NKIRAS1: variants seen among roughly 807,000 people sequenced by gnomAD.
NKIRAS1 encodes NF-kappa-B inhibitor-interacting Ras-like protein 1.
NKIRAS1 carries 16 observed loss-of-function variants against 19.8 expected under a neutral mutation model. That is an observed-to-expected ratio of 0.81 (90% CI 0.55 to 1.23). The LOEUF (loss-of-function observed/expected upper bound fraction) is 1.23. NKIRAS1 is among the 50% of genes most tolerant of loss of function. The probability of loss-of-function intolerance (pLI) is 0.00; values close to 1 mark genes in which losing one functional copy is unlikely to be tolerated. For synonymous variants in NKIRAS1, 88 were observed against 79.0 expected (o/e 1.11, Z -0.61); for missense variants, 184 against 220.0 (o/e 0.84, Z 1.04).
intron 3 of NKIRAS1, among the ~76,000 whole-genome samples, chr3:23,906,229 T>TA (rs1357462150): frequency 1.4e-5 from 2 of 146,398 alleles, no homozygotes; most frequent in Non-Finnish European, 3.0e-5. Flanking sequence ...GCACAGTAGA[T>TA]AAGAGGACAC....
chr3:23,901,013 A>C lies in NKIRAS1; in HGVS notation c.131T>G (p.Met44Arg). ...TCCTCGGTCTGTTTCTACTGAAGCC[A>C]TGTATACATCTTCCATTGTTTCGCA... ...EDCETMEDVYMASVETDRGVK... is the reference protein window; with the variant it reads ...EDCETMEDVYRASVETDRGVK... Residue 44 changes from methionine (M) to arginine (R), a missense_variant, in exon 4 of 5, where the codon ATG (methionine) becomes AGG (arginine). Coordinates refer to ENST00000425478, the MANE Select transcript of NKIRAS1 (RefSeq NM_020345.4). 1.2e-6 allele frequency: 2 copies of C among 1,614,152 alleles called. No individual in the cohort carries two copies.
Position 23,890,708 on chromosome 3 carries a change from A to C in NKIRAS1, c.*2387T>G. ...GGTGGGAGTTGGTAAAGAGTAGGGTATTTCTATAACAGATATTATTCAGTC... is the reference window on the plus strand; with the variant it reads ...GGTGGGAGTTGGTAAAGAGTAGGGTCTTTCTATAACAGATATTATTCAGTC... On this transcript the variant is annotated 3_prime_UTR_variant, in exon 5 of 5. Coordinates refer to ENST00000425478, the MANE Select transcript of NKIRAS1 (RefSeq NM_020345.4). The C allele has an allele frequency of 9.7e-7, 1 of 1,026,612 alleles. No individual in the cohort carries two copies. The highest frequency in any genetic ancestry group is 2.9e-5 in the Admixed American group (1 of 34,200). 63.6% of individuals were successfully genotyped at this position (1,026,612 alleles called of 1,614,324 possible).
chr3:23,901,179 C>CTTTTT (rs369838815), intron 3 of NKIRAS1, 130 bp from the exon 4 acceptor site: 6 of 728,940 alleles, frequency 8.2e-6, no homozygotes, highest in East Asian at 3.0e-5. Context: ...TTCTATTTTA[C>CTTTTT]TTTTTTTTTT....
rs528022004 is a variant in NKIRAS1 at position 23,905,855 on chromosome 3, C to A, written c.95-4806G>T. Among the ~76,000 whole-genome samples the A allele has an allele frequency of 2.7e-5, 4 of 148,438 alleles. 1 individual carries two copies. The highest frequency in any genetic ancestry group is 2.7e-4 in the Admixed American group (4 of 14,862). ...AAAAGAAGACAAGAGATCTAGGAAACAGGAAATCAAAACCAGGGAGAGGCC... is the reference window on the plus strand; with the variant it reads ...AAAAGAAGACAAGAGATCTAGGAAAAAGGAAATCAAAACCAGGGAGAGGCC... On this transcript the variant is annotated intron_variant, in intron 3 of 4. Transcript: ENST00000425478.
chr3:23,916,722 G>GCGCGGAGA (rs3842579), intron 1 of NKIRAS1, 62 bp downstream of exon 1: 77,873 of 152,250 alleles, frequency 0.51, 20,104 homozygotes, highest in Middle Eastern at 0.58. Flanking sequence ...GGACAGCGCA[G>GCGCGGAGA]CGCGGAGACG....
At chr3:23,901,660 T>G (rs930556406) in intron 3 of NKIRAS1, among the ~76,000 whole-genome samples, 1 of 152,200 alleles carries the variant, frequency 6.6e-6, no homozygotes, top group Non-Finnish European at 1.5e-5. Flanking sequence ...CAGCAAATAT[T>G]CAATAAGCCC....
intron 4 of NKIRAS1, among the ~76,000 whole-genome samples, chr3:23,900,465 T>C (rs1241112844): frequency 6.6e-6 from 1 of 151,894 alleles, no homozygotes; most frequent in East Asian, 1.9e-4. Context: ...TAATACCCTG[T>C]CTCCACTAAA....
At chr3:23,919,870 G>T, upstream of NKIRAS1, 1 of 1,002,260 alleles carries the variant, frequency 1.0e-6, no homozygotes, top group Admixed American at 5.8e-5. Flanking sequence ...ATGCTCTGCT[G>T]GTTTATTTTC....
chr3:23,920,843 A>G, upstream of NKIRAS1: 3 of 888,408 alleles, frequency 3.4e-6, no homozygotes, highest in Non-Finnish European at 4.0e-6. Flanking sequence ...TTAAACTAAA[A>G]CAAATGGACC....
At chr3:23,919,026 A>G (rs772705091), upstream of NKIRAS1, 32 of 614,048 alleles carry the variant, frequency 5.2e-5, no homozygotes, top group Non-Finnish European at 8.4e-5. Context: ...TAGCAAGTCT[A>G]CATTATCTCA....
upstream of NKIRAS1, chr3:23,920,364 A>G (rs1378379937): frequency 1.0e-6 from 1 of 985,406 alleles, no homozygotes; most frequent in Non-Finnish European, 1.2e-6. Flanking sequence ...GGCTACAGAA[A>G]AAGTCACAAG....
intron 4 of NKIRAS1, among the ~76,000 whole-genome samples, chr3:23,899,984 A>C (rs1279502853): frequency 2.6e-5 from 4 of 151,924 alleles, no homozygotes; most frequent in African/African-American, 9.7e-5. Context: ...TAACACGGTG[A>C]AACCCTGTTT....
intron 1 of NKIRAS1, chr3:23,945,674 A>G (rs1243147256): frequency 1.8e-5 from 4 of 222,062 alleles, no homozygotes; most frequent in Non-Finnish European, 2.7e-5. Flanking sequence ...GGGCGGCGGC[A>G]GGGGGTGTCC....
chr3:23,918,601 T>A (rs547292664), upstream of NKIRAS1: 1 of 1,609,192 alleles, frequency 6.2e-7, no homozygotes, highest in Non-Finnish European at 8.5e-7. Context: ...GTAGCAGTTA[T>A]ATTGAATACT....
chr3:23,931,577 T>C (rs1705316144), intron 1 of NKIRAS1, among the ~76,000 whole-genome samples: 1 of 152,206 alleles, frequency 6.6e-6, no homozygotes, highest in Admixed American at 6.5e-5. Context: ...GCTCTTGTGT[T>C]TTACTTATTG....
At chr3:23,899,645 A>C (rs1165479074) in intron 4 of NKIRAS1, among the ~76,000 whole-genome samples, 1 of 152,268 alleles carries the variant, frequency 6.6e-6, no homozygotes, top group East Asian at 1.9e-4. Context: ...ATGTTGAAAA[A>C]ACAGAAAGTA....
At position 23,901,054 on chromosome 3, in the gene NKIRAS1, G is replaced by C. The variant is rs1702471193; in HGVS notation, c.95-5C>G. The C allele has an allele frequency of 6.2e-7, 1 of 1,611,824 alleles. No individual in the cohort carries two copies. Among genetic ancestry groups the C allele is most frequent in the Non-Finnish European group, 8.5e-7 (1 of 1,178,284 alleles). On this transcript the variant is annotated splice_polypyrimidine_tract_variant and splice_region_variant and intron_variant, in intron 3 of 4. Coordinates refer to ENST00000425478, the MANE Select transcript of NKIRAS1 (RefSeq NM_020345.4). ...TTGTTTCGCAATCTTCCATTCCTGGGATTAAGAAAACAAATTACTCTTTTT... is the reference window on the plus strand; with the variant it reads ...TTGTTTCGCAATCTTCCATTCCTGGCATTAAGAAAACAAATTACTCTTTTT...
intron 3 of NKIRAS1, among the ~76,000 whole-genome samples, chr3:23,907,559 A>G (rs1575089356): frequency 6.6e-6 from 1 of 152,288 alleles, no homozygotes; most frequent in East Asian, 1.9e-4. Flanking sequence ...TGCATTTTCC[A>G]CTGTGTTGAT....
chr3:23,911,569 A>C (rs1220104023), intron 1 of NKIRAS1, 119 bp from the exon 2 acceptor site: 1 of 152,144 alleles, frequency 6.6e-6, no homozygotes, highest in African/African-American at 2.4e-5. Context: ...ATAGCAATCC[A>C]ACAGACTCTT....
Sources: allele counts gnomAD v4.1 joint callset (sites outside exome capture counted in the v4.1 genomes callset), GRCh38; gene constraint gnomAD v4.1.1; transcripts MANE v1.5; gene names NCBI Gene and HGNC (gene_info 2026-07-23, HGNC 2026-07-21).